The following PCSK5 variants were observed in gnomAD, a reference collection of about 807,000 sequenced individuals.
The protein encoded by PCSK5 is prohormone convertase 5.
Under a neutral mutation model 233.2 loss-of-function variants are expected in PCSK5, and 129 were observed. The observed-to-expected ratio is 0.55, with a 90% confidence interval of 0.48 to 0.64. The LOEUF is 0.64. Ranked by LOEUF, PCSK5 falls within the 30% of genes least tolerant of loss-of-function variation. The pLI is 0.00. For missense variants in PCSK5, 2,076 were observed against 2,430.1 expected, an observed-to-expected ratio of 0.85 and a Z score of 3.06; for synonymous variants, 825 against 879.2, an observed-to-expected ratio of 0.94 and a Z score of 1.09.
chr9:76,061,503 T>C (rs1301394278), intron 5 of PCSK5, among the ~76,000 whole-genome samples: 1 of 152,040 alleles, frequency 6.6e-6, no homozygotes, highest in Non-Finnish European at 1.5e-5. Flanking sequence ...ATAGATACAA[T>C]GAACTATAAG....
At chr9:76,211,720 C>T (rs538705654) in intron 20 of PCSK5, among the ~76,000 whole-genome samples, 24 of 152,266 alleles carry the variant, frequency 1.6e-4, no homozygotes, top group Admixed American at 3.9e-4. Context: ...TGGCGGTGCA[C>T]GCCTGTGGTC....
chr9:76,292,928 C>T (rs1587842372), intron 25 of PCSK5, among the ~76,000 whole-genome samples: 5 of 152,308 alleles, frequency 3.3e-5, no homozygotes, highest in Admixed American at 2.0e-4. Flanking sequence ...CCCTCCCTGT[C>T]CTCCTAAGAA....
At chr9:76,123,559 A>C (rs943175609) in intron 9 of PCSK5, among the ~76,000 whole-genome samples, 1 of 152,094 alleles carries the variant, frequency 6.6e-6, no homozygotes, top group African/African-American at 2.4e-5. Flanking sequence ...ATTTTTGTTA[A>C]TTATTTTTTA....
At chr9:75,931,849 A>G (rs932939187) in intron 1 of PCSK5, among the ~76,000 whole-genome samples, 3 of 152,182 alleles carry the variant, frequency 2.0e-5, no homozygotes, top group Non-Finnish European at 4.4e-5. Context: ...ATAAATGCAT[A>G]ATCTATATAT....
At chr9:76,113,538 T>C (rs1355232604) in intron 9 of PCSK5, among the ~76,000 whole-genome samples, 2 of 152,106 alleles carry the variant, frequency 1.3e-5, no homozygotes, top group African/African-American at 2.4e-5. Flanking sequence ...ACCAGAATAT[T>C]TGGGATACAG....
intron 5 of PCSK5, among the ~76,000 whole-genome samples, chr9:76,039,140 G>A (rs1191453845): frequency 6.6e-6 from 1 of 152,128 alleles, no homozygotes; most frequent in Non-Finnish European, 1.5e-5. Context: ...TTCAGATACT[G>A]TTTTTACATC....
intron 12 of PCSK5, among the ~76,000 whole-genome samples, chr9:76,160,342 G>C (rs1286430445): frequency 6.6e-6 from 1 of 152,178 alleles, no homozygotes; most frequent in African/African-American, 2.4e-5. Context: ...TAGCAAGTGG[G>C]ACCGGAGAGG....
chr9:76,296,752 C>T lies in PCSK5; in HGVS notation c.3410C>T (p.Thr1137Ile). 1 of 1,611,954 alleles carries T rather than the reference C, an allele frequency of 6.2e-7. No homozygotes were observed. Among genetic ancestry groups the T allele is most frequent in the Non-Finnish European group, 8.5e-7 (1 of 1,179,110 alleles). Residue 1137 changes from threonine (T) to isoleucine (I), a missense_variant, in exon 27 of 38, where the codon ACC (threonine) becomes ATC (isoleucine). This residue lies in a region of PCSK5 where 1,510 missense variants were observed against 1,538.1 expected (regional missense o/e 0.98). Coordinates refer to ENST00000674117, the MANE Select transcript of PCSK5 (RefSeq NM_001372043.1). ...ECESCHRACE[T>I]CTGPGHDECS... ...GAGTCCTGCCACCGAGCATGCGAAA[C>T]CTGCACAGGCCCTGGTCATGACGAG...
intron 3 of PCSK5, among the ~76,000 whole-genome samples, chr9:76,023,475 G>C (rs925690199): frequency 2.0e-5 from 3 of 151,930 alleles, no homozygotes; most frequent in African/African-American, 7.3e-5. Context: ...GACCAGCCTG[G>C]GCAACAAAGC....
intron 9 of PCSK5, among the ~76,000 whole-genome samples, chr9:76,125,189 C>G (rs1832798099): frequency 6.6e-6 from 1 of 152,146 alleles, no homozygotes; most frequent in Non-Finnish European, 1.5e-5. Context: ...CAAGCACAGA[C>G]TTACTCAAAT....
rs564521186 is a variant in PCSK5, at chr9:76,165,858, T to C, written c.1620-3846T>C. ...ATGTTCACGCTGGGCATTAAGCTTT[T>C]TAGTTGATAAAAGAAGATCCCACAA... On this transcript the variant is annotated intron_variant, in intron 12 of 37. Coordinates refer to ENST00000674117, the MANE Select transcript of PCSK5 (RefSeq NM_001372043.1). 3.3e-5 allele frequency among the ~76,000 whole-genome samples: 5 copies of C among 152,326 alleles called. No homozygotes were observed. In the South Asian group the frequency reaches 1.0e-3, roughly 32 times the overall value.
intron 10 of PCSK5, among the ~76,000 whole-genome samples, chr9:76,135,049 A>G (rs1270473022): frequency 6.6e-6 from 1 of 152,042 alleles, no homozygotes; most frequent in Non-Finnish European, 1.5e-5. Context: ...GTATCATCAT[A>G]TATCTGTATG....
chr9:76,351,533 G>GGAAAGAAAGA (rs1830156644), intron 36 of PCSK5, among the ~76,000 whole-genome samples: 2 of 15,822 alleles, frequency 1.3e-4, no homozygotes, highest in African/African-American at 2.1e-4. Flanking sequence ...AGAAAGAAAG[G>GGAAAGAAAGA]AAGGAAAGAA....
intron 5 of PCSK5, among the ~76,000 whole-genome samples, chr9:76,059,430 G>T (rs1007345937): frequency 2.0e-5 from 3 of 152,182 alleles, no homozygotes; most frequent in African/African-American, 7.2e-5. Flanking sequence ...TGAAGTCCTT[G>T]CCCATGCCTA....
rs1202287933 is a variant in PCSK5 at position 76,121,821 on chromosome 9, T to G, written c.1209-12288T>G. ...TAAACATCTCTTGTATTGGTTTTTTTTTTTTTTTTTTTTTTTTTTTGAGAC... is the reference window on the plus strand; with the variant it reads ...TAAACATCTCTTGTATTGGTTTTTTGTTTTTTTTTTTTTTTTTTTTGAGAC... On this transcript the variant is annotated intron_variant, in intron 9 of 37. Transcript: ENST00000674117. 2.8e-3 allele frequency among the ~76,000 whole-genome samples: 114 copies of G among 40,370 alleles called. 18 individuals are homozygous for G. Among genetic ancestry groups the G allele is most frequent in the African/African-American group, 0.015 (103 of 6,988 alleles). 26.5% of individuals were successfully genotyped at this position (40,370 alleles called of 152,430 possible).
chr9:76,026,110 TAATC>T (rs1828414496), intron 4 of PCSK5, among the ~76,000 whole-genome samples: 1 of 130,538 alleles, frequency 7.7e-6, no homozygotes, highest in African/African-American at 2.9e-5. Flanking sequence ...CTGTTTCAAT[TAATC>T]AATCAATCAA....
intron 27 of PCSK5, 28 bp from the exon 28 acceptor site, chr9:76,302,109 C>T (rs199677817): frequency 2.9e-6 from 3 of 1,035,084 alleles, no homozygotes; most frequent in East Asian, 6.4e-5. Flanking sequence ...TAAAAAAAAA[C>T]TAAACACTTT....
chr9:76,099,023 C>T (rs1190912965), intron 8 of PCSK5, among the ~76,000 whole-genome samples: 3 of 152,206 alleles, frequency 2.0e-5, no homozygotes, highest in Admixed American at 2.0e-4. Flanking sequence ...TTCGCGAGGT[C>T]ATATACTTTT....
At position 76,289,113 on chromosome 9, in the gene PCSK5, G is replaced by A. The variant is rs541487012; in HGVS notation, c.3143-3120G>A. On this transcript the variant is annotated intron_variant, in intron 24 of 37. Coordinates refer to ENST00000674117, the MANE Select transcript of PCSK5 (RefSeq NM_001372043.1). ...TCATGAAGAGCTCTCAAGAGAGAGC[G>A]GACTTTGTAGTCCGGCCCACCCCAC... Among the ~76,000 whole-genome samples, 19 of 152,124 alleles carry A rather than the reference G, an allele frequency of 1.2e-4. No individual in the cohort carries two copies. The South Asian group carries it at 1.7e-3, about 13-fold the overall frequency.
Sources: gnomAD v4.1 joint callset for allele counts (sites outside exome capture counted in the v4.1 genomes callset) on GRCh38, gnomAD v4.1.1 for gene constraint, gnomAD v4.1.1 regional missense constraint, MANE v1.5 for transcripts, NCBI Gene and HGNC (gene_info 2026-07-23, HGNC 2026-07-21) for gene names.